The following SSBP2 variants were observed in gnomAD, a reference collection of about 807,000 sequenced individuals.
SSBP2 encodes single-stranded DNA-binding protein 2.
SSBP2 carries 17 observed loss-of-function variants against 61.8 expected under a neutral mutation model. The observed-to-expected ratio is 0.28, with a 90% CI of 0.19 to 0.41. The LOEUF is 0.41. SSBP2 is among the 10% of genes least tolerant of loss of function. SSBP2 has a pLI of 1.00. For synonymous variants in SSBP2, 139 were observed against 141.3 expected (o/e 0.98, Z 0.12); for missense variants, 310 against 458.7 (o/e 0.68, Z 2.96).
At chr5:81,681,554 A>G (rs1015373937) in intron 1 of SSBP2, among the ~76,000 whole-genome samples, 1 of 151,816 alleles carries the variant, frequency 6.6e-6, no homozygotes, top group African/African-American at 2.4e-5. Flanking sequence ...CAACTTACCA[A>G]AATTTGTGAA....
intron 4 of SSBP2, among the ~76,000 whole-genome samples, chr5:81,583,223 T>C (rs1774795044): frequency 6.6e-6 from 1 of 151,932 alleles, no homozygotes; most frequent in Admixed American, 6.6e-5. Context: ...TGTCTCAAAA[T>C]CAAATCAAAT....
intron 5 of SSBP2, among the ~76,000 whole-genome samples, chr5:81,494,346 T>C (rs1262718292): frequency 6.6e-6 from 1 of 152,268 alleles, no homozygotes; most frequent in East Asian, 1.9e-4. Context: ...TTTATAGGTA[T>C]AAATTCTCAT....
intron 2 of SSBP2, among the ~76,000 whole-genome samples, chr5:81,643,428 C>T (rs1434721002): frequency 2.0e-5 from 3 of 151,920 alleles, no homozygotes; most frequent in African/African-American, 7.3e-5. Flanking sequence ...AACCTGTATA[C>T]CTATGTGTAA....
intron 1 of SSBP2, among the ~76,000 whole-genome samples, chr5:81,714,736 T>C (rs1412425872): frequency 1.3e-5 from 2 of 152,230 alleles, no homozygotes; most frequent in East Asian, 3.8e-4. Context: ...AACCACTTTT[T>C]GATGGGCTTG....
chr5:81,751,046 T>G lies in SSBP2; in HGVS notation c.-4A>C. 1 of 1,592,542 alleles carries G rather than the reference T, an allele frequency of 6.3e-7. No homozygotes were observed. Among genetic ancestry groups the G allele is most frequent in the Non-Finnish European group, 8.6e-7 (1 of 1,169,528 alleles). ...TACTCTTGCCTTTGCCGTACATGCT[T>G]GTGCCGAGAGCAGCTCCCACTGTCA... On this transcript the variant is annotated 5_prime_UTR_variant, in exon 1 of 17. Transcript: ENST00000320672.
At chr5:81,585,438 T>C (rs999795518) in intron 4 of SSBP2, among the ~76,000 whole-genome samples, 4 of 152,130 alleles carry the variant, frequency 2.6e-5, no homozygotes, top group African/African-American at 7.2e-5. Flanking sequence ...TGCAAATCAG[T>C]TGTTTGAAAC....
At chr5:81,439,186 A>G (rs377141352) in intron 14 of SSBP2, among the ~76,000 whole-genome samples, 6 of 152,314 alleles carry the variant, frequency 3.9e-5, no homozygotes, top group African/African-American at 1.4e-4. Context: ...TAAATTACTC[A>G]TGAACATATT....
chr5:81,583,377 C>T (rs895873676), intron 4 of SSBP2, among the ~76,000 whole-genome samples: 1 of 152,056 alleles, frequency 6.6e-6, no homozygotes, highest in Non-Finnish European at 1.5e-5. Flanking sequence ...CGCTTGTAAT[C>T]CCAGCACTTT....
intron 1 of SSBP2, among the ~76,000 whole-genome samples, chr5:81,686,120 T>C (rs1027335028): frequency 2.6e-5 from 4 of 152,212 alleles, no homozygotes; most frequent in African/African-American, 9.7e-5. Context: ...CCAGATAGCC[T>C]TACTATTTCA....
intron 4 of SSBP2, among the ~76,000 whole-genome samples, chr5:81,538,463 GAAGATCTAGCT>G (rs1357091456): frequency 6.6e-6 from 1 of 152,174 alleles, no homozygotes; most frequent in East Asian, 1.9e-4. Context: ...AAGTTATCCA[GAAGATCTAGCT>G]AAGATCACTG....
chr5:81,473,640 T>G (rs1407394486), intron 8 of SSBP2, 60 bp downstream of exon 8: 1 of 1,415,652 alleles, frequency 7.1e-7, no homozygotes, highest in African/African-American at 1.4e-5. Flanking sequence ...AGTCTATCAT[T>G]GATGGGCATT....
intron 1 of SSBP2, among the ~76,000 whole-genome samples, chr5:81,721,511 CAA>C (rs1251969384): frequency 6.6e-6 from 1 of 152,024 alleles, no homozygotes; most frequent in Admixed American, 6.6e-5. Flanking sequence ...ATACACAAAC[CAA>C]AGAGTTTTAT....
intron 5 of SSBP2, among the ~76,000 whole-genome samples, chr5:81,504,406 A>T (rs1040793582): frequency 2.6e-5 from 4 of 152,098 alleles, no homozygotes; most frequent in Non-Finnish European, 5.9e-5. Flanking sequence ...GTTATCTATG[A>T]CTTCCTATCT....
At chr5:81,628,892 ATGTATCT>A (rs1233799745) in intron 3 of SSBP2, among the ~76,000 whole-genome samples, 2 of 152,024 alleles carry the variant, frequency 1.3e-5, no homozygotes, top group South Asian at 2.1e-4. Flanking sequence ...CATATGTCAT[ATGTATCT>A]CTTTTTCATA....
chr5:81,544,119 G>A (rs562757674), intron 4 of SSBP2, among the ~76,000 whole-genome samples: 288 of 152,116 alleles, frequency 1.9e-3, no homozygotes, highest in African/African-American at 5.9e-3. Flanking sequence ...GCGGGATCTC[G>A]GCTCACTGCA....
At chr5:81,671,894 A>T (rs1316913734) in intron 1 of SSBP2, among the ~76,000 whole-genome samples, 1 of 152,180 alleles carries the variant, frequency 6.6e-6, no homozygotes, top group Non-Finnish European at 1.5e-5. Flanking sequence ...TGGGATAAGC[A>T]GAGAGAAAAG....
At chr5:81,673,550 C>A (rs887841326) in intron 1 of SSBP2, among the ~76,000 whole-genome samples, 1 of 151,858 alleles carries the variant, frequency 6.6e-6, no homozygotes, top group Non-Finnish European at 1.5e-5. Flanking sequence ...GTGTATTTGC[C>A]CTGCCAAAAG....
intron 1 of SSBP2, among the ~76,000 whole-genome samples, chr5:81,687,414 T>C (rs1258127739): frequency 6.6e-6 from 1 of 152,144 alleles, no homozygotes; most frequent in Non-Finnish European, 1.5e-5. Flanking sequence ...AAATACAATC[T>C]AGAACACAAG....
chr5:81,604,908 C>A (rs1744733480), intron 4 of SSBP2, among the ~76,000 whole-genome samples: 1 of 151,870 alleles, frequency 6.6e-6, no homozygotes, highest in South Asian at 2.1e-4. Context: ...CAGTATTGAA[C>A]ATGTAATATG....
Sources: allele counts gnomAD v4.1 joint callset (sites outside exome capture counted in the v4.1 genomes callset), GRCh38; gene constraint gnomAD v4.1.1; transcripts MANE v1.5; gene names NCBI Gene and HGNC (gene_info 2026-07-23, HGNC 2026-07-21).